GHR: variants seen among roughly 807,000 people sequenced by gnomAD.
GHR encodes GH receptor.
Under a neutral mutation model 67.1 loss-of-function variants are expected in GHR, and 35 were observed. That is an observed-to-expected ratio of 0.52 (90% CI 0.40 to 0.69). The LOEUF (loss-of-function observed/expected upper bound fraction) is 0.69. GHR is among the 30% of genes least tolerant of loss of function. The pLI, the probability that GHR is intolerant of heterozygous loss-of-function variation, is 0.00. For missense variants in GHR, 792 were observed against 764.6 expected (o/e 1.04, Z -0.42); for synonymous variants, 272 against 269.1 (o/e 1.01, Z -0.10).
rs1755869841 is a variant in GHR at position 42,664,871 on chromosome 5, C to CATTG, written c.137-24019_137-24018insATTG. Among the ~76,000 whole-genome samples the CATTG allele has an allele frequency of 2.0e-5, 3 of 152,164 alleles. No homozygotes were observed. In the South Asian group the frequency reaches 6.2e-4, roughly 32 times the overall value. ...CTGACAAAGGGATAATATCCAGAAT[C>CATTG]TACAATGAACTCAAACAAATCTACA... On this transcript the variant is annotated intron_variant, in intron 3 of 9. Coordinates refer to ENST00000230882, the MANE Select transcript of GHR (RefSeq NM_000163.5).
chr5:42,622,971 A>G (rs1029438030), intron 2 of GHR, among the ~76,000 whole-genome samples: 5 of 152,192 alleles, frequency 3.3e-5, no homozygotes, highest in African/African-American at 1.2e-4. Context: ...TCCCGTCTTC[A>G]CATCAGCAAA....
intron 3 of GHR, among the ~76,000 whole-genome samples, chr5:42,655,944 T>C (rs1580135437): frequency 6.6e-6 from 1 of 152,194 alleles, no homozygotes; most frequent in East Asian, 1.9e-4. Context: ...TTATTGTTGA[T>C]TTGGGCTTGC....
At chr5:42,619,474 C>A (rs1461370366) in intron 2 of GHR, among the ~76,000 whole-genome samples, 1 of 152,066 alleles carries the variant, frequency 6.6e-6, no homozygotes, top group East Asian at 1.9e-4. Flanking sequence ...AGCTGCCTGA[C>A]ATTATAATAC....
chr5:42,656,619 T>C (rs1460728263), intron 3 of GHR, among the ~76,000 whole-genome samples: 1 of 152,214 alleles, frequency 6.6e-6, no homozygotes, highest in African/African-American at 2.4e-5. Flanking sequence ...TCAGCAGTTA[T>C]ACAATTCAAA....
At chr5:42,465,309 T>G (rs1441027800) in intron 1 of GHR, 6 of 697,300 alleles carry the variant, frequency 8.6e-6, no homozygotes, top group Non-Finnish European at 1.5e-5. Context: ...AACAGATTTT[T>G]TTTTTGCATG....
intron 2 of GHR, among the ~76,000 whole-genome samples, chr5:42,574,757 G>A (rs1407691834): frequency 2.0e-5 from 3 of 152,276 alleles, no homozygotes. Flanking sequence ...GATGTATTTA[G>A]ATCAAAACCA....
At chr5:42,688,133 T>G (rs940229352) in intron 3 of GHR, among the ~76,000 whole-genome samples, 1 of 152,224 alleles carries the variant, frequency 6.6e-6, no homozygotes, top group Non-Finnish European at 1.5e-5. Context: ...CAAACATAAG[T>G]GCCTTTTATC....
chr5:42,588,526 C>A (rs201698356), intron 2 of GHR, among the ~76,000 whole-genome samples: 12 of 45,114 alleles, frequency 2.7e-4, no homozygotes, highest in South Asian at 2.3e-3. Flanking sequence ...AACTCCATCT[C>A]AAAAAAAAAA....
chr5:42,557,282 T>A (rs1386349384), intron 1 of GHR, among the ~76,000 whole-genome samples: 1 of 152,186 alleles, frequency 6.6e-6, no homozygotes, highest in Non-Finnish European at 1.5e-5. Flanking sequence ...CTTCATATGA[T>A]GTAAGTGCTT....
At chr5:42,566,461 T>C (rs1414556760) in intron 2 of GHR, among the ~76,000 whole-genome samples, 2 of 152,220 alleles carry the variant, frequency 1.3e-5, no homozygotes, top group Admixed American at 6.5e-5. Flanking sequence ...CTGAAATAGT[T>C]GAATGATATA....
At chr5:42,700,981 T>A (rs1757902382) in intron 6 of GHR, among the ~76,000 whole-genome samples, 1 of 152,142 alleles carries the variant, frequency 6.6e-6, no homozygotes, top group Admixed American at 6.5e-5. Flanking sequence ...ACTGTCTAAA[T>A]CCAAGCTACA....
chr5:42,674,822 T>C (rs1756491042), intron 3 of GHR, among the ~76,000 whole-genome samples: 1 of 152,160 alleles, frequency 6.6e-6, no homozygotes, highest in Admixed American at 6.5e-5. Flanking sequence ...CTTGCACATG[T>C]TTTTGTGTGA....
At chr5:42,455,148 A>C (rs1001909230) in intron 1 of GHR, among the ~76,000 whole-genome samples, 1 of 152,042 alleles carries the variant, frequency 6.6e-6, no homozygotes, top group Non-Finnish European at 1.5e-5. Context: ...TCCTTCTCTC[A>C]TGATCTGGAT....
At chr5:42,679,052 G>A (rs1477953277) in intron 3 of GHR, among the ~76,000 whole-genome samples, 1 of 143,244 alleles carries the variant, frequency 7.0e-6, no homozygotes, top group Non-Finnish European at 1.5e-5. Context: ...TTAACAATAT[G>A]TAAACAATAT....
intron 2 of GHR, among the ~76,000 whole-genome samples, chr5:42,581,725 G>A (rs1015080709): frequency 2.6e-5 from 4 of 152,150 alleles, no homozygotes; most frequent in South Asian, 2.1e-4. Context: ...GGGGAGGTGC[G>A]GCTGTGGTTG....
intron 1 of GHR, among the ~76,000 whole-genome samples, chr5:42,559,205 T>C (rs1432796906): frequency 6.6e-6 from 1 of 152,222 alleles, no homozygotes; most frequent in Non-Finnish European, 1.5e-5. Flanking sequence ...TGTAACATAA[T>C]TGGTCATTGC....
At chr5:42,471,409 G>A (rs1317767457) in intron 1 of GHR, among the ~76,000 whole-genome samples, 1 of 152,184 alleles carries the variant, frequency 6.6e-6, no homozygotes, top group East Asian at 1.9e-4. Flanking sequence ...AGGAACTAAT[G>A]GAAAATCAAG....
intron 2 of GHR, among the ~76,000 whole-genome samples, chr5:42,572,820 G>A (rs1317147332): frequency 6.6e-6 from 1 of 152,262 alleles, no homozygotes; most frequent in African/African-American, 2.4e-5. Flanking sequence ...GTTTCAGGAT[G>A]TTTTTATAGA....
chr5:42,586,606 C>T (rs1320950011), intron 2 of GHR, among the ~76,000 whole-genome samples: 1 of 152,178 alleles, frequency 6.6e-6, no homozygotes. Context: ...TTGCTCTTAG[C>T]TGCTCAATTT....
Sources: allele counts gnomAD v4.1 joint callset (sites outside exome capture counted in the v4.1 genomes callset), GRCh38; gene constraint gnomAD v4.1.1; transcripts MANE v1.5; gene names NCBI Gene and HGNC (gene_info 2026-07-23, HGNC 2026-07-21).